The following ARNT2 variants were observed in gnomAD, a reference collection of about 807,000 sequenced individuals.
ARNT2 encodes the protein aryl hydrocarbon receptor nuclear translocator 2, also known as ARNT protein 2.
In ARNT2, 36 loss-of-function variants were observed where a neutral mutation model predicts 91.7. The observed-to-expected ratio is 0.39, with a 90% CI of 0.30 to 0.52. The LOEUF (loss-of-function observed/expected upper bound fraction) is 0.52, where lower values mean the gene tolerates loss of function less well. Among genes scored for constraint, ARNT2 ranks in the 20% least tolerant of loss-of-function variants. ARNT2 has a pLI of 0.72. For missense variants in ARNT2, 775 were observed against 939.3 expected (o/e 0.83, Z 2.29); for synonymous variants, 365 against 347.1 (o/e 1.05, Z -0.57).
Position 80,475,198 on chromosome 15 carries a change from G to C in ARNT2, c.597G>C (p.Leu199=), listed in dbSNP as rs1896783468. Reference sequence around the variant, plus strand: ...ACGTGGAGAAGCTGAGAGAGCAACTGTGCACCTCAGAAAACTCAATGACAG... The same window carrying C: ...ACGTGGAGAAGCTGAGAGAGCAACTCTGCACCTCAGAAAACTCAATGACAG... ...PDDVEKLREQ[L]CTSENSMTGR... is the part of the protein sequence containing the mutation. The change falls in exon 5 of 19, where the codon CTG becomes CTC. Residue 199 remains leucine, a synonymous_variant. Coordinates refer to ENST00000303329, the MANE Select transcript of ARNT2 (RefSeq NM_014862.4). The C allele has an allele frequency of 3.1e-6, 5 of 1,614,098 alleles. No homozygotes were observed. Among genetic ancestry groups the C allele is most frequent in the Non-Finnish European group, 4.2e-6 (5 of 1,180,038 alleles).
chr15:80,512,478 C>T (rs971928335), intron 6 of ARNT2, among the ~76,000 whole-genome samples: 1 of 152,214 alleles, frequency 6.6e-6, no homozygotes, highest in Non-Finnish European at 1.5e-5. Context: ...GACTGGGTCC[C>T]CACAGACTGC....
At chr15:80,410,191 G>A (rs552687174) in intron 1 of ARNT2, among the ~76,000 whole-genome samples, 2 of 151,956 alleles carry the variant, frequency 1.3e-5, no homozygotes, top group South Asian at 2.1e-4. Context: ...AGAGAGGGAG[G>A]TGGATTTGAG....
rs1014374084 is a variant in ARNT2, at chr15:80,457,191, A to G, written c.147-738A>G. The stretch of plus-strand genomic sequence containing the variant: ...TGAGGTATTAGTTCAACAAATATCT[A>G]TCAAGTCTTTTTGTCTTATGTTTAC... On this transcript the variant is annotated intron_variant, in intron 2 of 18. Transcript: ENST00000303329. Among the ~76,000 whole-genome samples, 7 of 152,340 alleles carry G rather than the reference A, an allele frequency of 4.6e-5. No homozygotes were observed. In the East Asian group the frequency reaches 7.7e-4, roughly 17 times the overall value.
intron 3 of ARNT2, 45 bp downstream of exon 3, chr15:80,458,021 A>G (rs1896503967): frequency 6.4e-7 from 1 of 1,569,178 alleles, no homozygotes; most frequent in African/African-American, 1.4e-5. Flanking sequence ...GGCAATAGCC[A>G]GCATTCACCT....
At chr15:80,410,790 AT>A (rs1433938507) in intron 1 of ARNT2, among the ~76,000 whole-genome samples, 6 of 150,748 alleles carry the variant, frequency 4.0e-5, no homozygotes, top group East Asian at 2.0e-4. Flanking sequence ...CTATCTATCT[AT>A]CTATCTATCT....
chr15:80,569,831 G>A, intron 12 of ARNT2, among the ~76,000 whole-genome samples: 1 of 152,254 alleles, frequency 6.6e-6, no homozygotes, highest in East Asian at 1.9e-4. Flanking sequence ...GGCCAGGTTT[G>A]TGCCCCACTT....
chr15:80,441,483 C>A lies in ARNT2; in HGVS notation c.32-9397C>A, dbSNP rs3848172. The A allele has an allele frequency of 2.1e-5, 16 of 773,044 alleles. No individual in the cohort carries two copies. In the African/African-American group the frequency reaches 2.1e-4, roughly 10 times the overall value. The allele number at this position is 773,044 out of a possible 1,614,324, so 47.9% of individuals were successfully genotyped here. The stretch of plus-strand genomic sequence containing the variant: ...TTGGTTAGTTGCCTGCCCTCACCCC[C>A]CTCCCAGCCATGGAAAGAGCCTTTT... On this transcript the variant is annotated intron_variant, in intron 1 of 18. Transcript: ENST00000303329.
chr15:80,501,901 T>G (rs962512821), intron 5 of ARNT2, among the ~76,000 whole-genome samples: 2 of 152,250 alleles, frequency 1.3e-5, no homozygotes, highest in Non-Finnish European at 2.9e-5. Flanking sequence ...GCTGCCTTTT[T>G]CATTTGAAAT....
intron 8 of ARNT2, among the ~76,000 whole-genome samples, chr15:80,519,860 ATT>A (rs539637778): frequency 2.4e-4 from 29 of 119,246 alleles, no homozygotes; most frequent in Admixed American, 4.4e-4. Context: ...AATTTTTTGT[ATT>A]TTTTTTTTTT....
At chr15:80,566,157 C>T (rs188026504) in intron 12 of ARNT2, among the ~76,000 whole-genome samples, 1 of 151,656 alleles carries the variant, frequency 6.6e-6, no homozygotes, top group Non-Finnish European at 1.5e-5. Flanking sequence ...CAGCAGCAAC[C>T]CTGCCACCCT....
intron 1 of ARNT2, among the ~76,000 whole-genome samples, chr15:80,443,390 T>G (rs1896225553): frequency 6.6e-6 from 1 of 152,100 alleles, no homozygotes; most frequent in Non-Finnish European, 1.5e-5. Context: ...AGGGCTGGCC[T>G]TGTCTGATGT....
chr15:80,440,673 G>A (rs1482270159), intron 1 of ARNT2, among the ~76,000 whole-genome samples: 1 of 152,192 alleles, frequency 6.6e-6, no homozygotes, highest in Non-Finnish European at 1.5e-5. Flanking sequence ...AAACCTGCCT[G>A]CCTACTAGAA....
chr15:80,426,355 T>C (rs141854923), intron 1 of ARNT2, among the ~76,000 whole-genome samples: 152 of 152,332 alleles, frequency 1.0e-3, no homozygotes, highest in African/African-American at 3.6e-3. Flanking sequence ...AACCACACCA[T>C]GGTCCTGTTG....
intron 11 of ARNT2, chr15:80,556,040 C>T (rs1267241458): frequency 2.6e-5 from 4 of 151,898 alleles, no homozygotes; most frequent in Admixed American, 2.0e-4. Context: ...AATCCCAGCA[C>T]TTTGGGAGGC....
chr15:80,486,372 T>C (rs951375197), intron 5 of ARNT2, among the ~76,000 whole-genome samples: 1 of 152,200 alleles, frequency 6.6e-6, no homozygotes, highest in African/African-American at 2.4e-5. Flanking sequence ...ACAGTGGAGA[T>C]GGAGGGAAGT....
intron 8 of ARNT2, among the ~76,000 whole-genome samples, chr15:80,544,666 C>T (rs1311519971): frequency 2.0e-5 from 3 of 152,098 alleles, no homozygotes; most frequent in Non-Finnish European, 4.4e-5. Context: ...GCTTACAGAC[C>T]AGAGGATGTG....
chr15:80,569,950 C>A (rs569944320), intron 12 of ARNT2, among the ~76,000 whole-genome samples: 1 of 152,346 alleles, frequency 6.6e-6, no homozygotes, highest in African/African-American at 2.4e-5. Flanking sequence ...TGGATTGCTG[C>A]CATCATGGGG....
intron 3 of ARNT2, among the ~76,000 whole-genome samples, chr15:80,458,268 A>G (rs967520080): frequency 6.6e-6 from 1 of 152,200 alleles, no homozygotes; most frequent in Non-Finnish European, 1.5e-5. Context: ...GGCTTTTTAA[A>G]AAGTATTTTT....
At chr15:80,436,940 C>T (rs1160457675) in intron 1 of ARNT2, among the ~76,000 whole-genome samples, 1 of 152,174 alleles carries the variant, frequency 6.6e-6, no homozygotes, top group African/African-American at 2.4e-5. Flanking sequence ...CCAGAGCCTT[C>T]TGCATCCGTC....
Sources: allele counts gnomAD v4.1 joint callset (sites outside exome capture counted in the v4.1 genomes callset), GRCh38; gene constraint gnomAD v4.1.1; transcripts MANE v1.5; gene names NCBI Gene and HGNC (gene_info 2026-07-23, HGNC 2026-07-21).